CFAP299: variants seen among roughly 807,000 people sequenced by gnomAD.
CFAP299 encodes cilia- and flagella-associated protein 299.
A neutral mutation model predicts 27.0 loss-of-function variants in CFAP299; 21 were observed. That is an observed-to-expected ratio of 0.78 (90% confidence interval 0.55 to 1.12). The LOEUF is 1.12. CFAP299 is among the 50% of genes most tolerant of loss of function. The pLI is 0.00. For missense variants in CFAP299, 310 were observed against 276.6 expected, an observed-to-expected ratio of 1.12 and a Z score of -0.86; for synonymous variants, 104 against 98.1, an observed-to-expected ratio of 1.06 and a Z score of -0.36.
intron 3 of CFAP299, among the ~76,000 whole-genome samples, chr4:80,861,474 G>A (rs1008693381): frequency 6.6e-6 from 1 of 152,282 alleles, no homozygotes; most frequent in South Asian, 2.1e-4. Flanking sequence ...ACCTCAGATG[G>A]AAATGCAGAA....
chr4:80,413,750 C>CTTTTTTTTTTTTT (rs66780627), intron 2 of CFAP299, among the ~76,000 whole-genome samples: 7 of 108,318 alleles, frequency 6.5e-5, no homozygotes, highest in Non-Finnish European at 8.9e-5. Context: ...TTGTGTCATT[C>CTTTTTTTTTTTTT]TTTTTTTTTT....
intron 5 of CFAP299, among the ~76,000 whole-genome samples, chr4:80,960,081 G>A (rs1388080350): frequency 6.7e-6 from 1 of 150,214 alleles, no homozygotes; most frequent in Non-Finnish European, 1.5e-5. Context: ...CAAAATTTTT[G>A]TTATCTATCT....
intron 3 of CFAP299, among the ~76,000 whole-genome samples, chr4:80,812,050 A>G (rs937329681): frequency 6.6e-6 from 1 of 152,130 alleles, no homozygotes; most frequent in African/African-American, 2.4e-5. Context: ...ACAGTGGGAA[A>G]TGAAGTGCAT....
chr4:80,902,584 T>TACACACACAC (rs1273685186), intron 4 of CFAP299, among the ~76,000 whole-genome samples: 69 of 47,164 alleles, frequency 1.5e-3, no homozygotes, highest in Admixed American at 3.7e-3. Flanking sequence ...ATATGTAATA[T>TACACACACAC]ATACACACAC....
chr4:80,714,347 G>T (rs1403531095), intron 3 of CFAP299, among the ~76,000 whole-genome samples: 1 of 152,116 alleles, frequency 6.6e-6, no homozygotes, highest in Non-Finnish European at 1.5e-5. Flanking sequence ...AAATCATACA[G>T]TAAATAGTCC....
chr4:80,746,452 A>G (rs1375225825), intron 3 of CFAP299, among the ~76,000 whole-genome samples: 1 of 152,086 alleles, frequency 6.6e-6, no homozygotes. Context: ...TGGAATATGT[A>G]TTATCCTAAG....
chr4:80,864,258 T>G (rs560239758), intron 3 of CFAP299, among the ~76,000 whole-genome samples: 27 of 151,636 alleles, frequency 1.8e-4, no homozygotes, highest in African/African-American at 5.8e-4. Flanking sequence ...TCTATAGGGC[T>G]CTGAATAACA....
chr4:80,653,190 C>G (rs78567732), intron 3 of CFAP299, among the ~76,000 whole-genome samples: 1 of 152,172 alleles, frequency 6.6e-6, no homozygotes, highest in Admixed American at 6.6e-5. Flanking sequence ...TCATACTTAT[C>G]CAAAACCTCC....
intron 3 of CFAP299, among the ~76,000 whole-genome samples, chr4:80,866,433 G>T (rs778090151): frequency 3.9e-5 from 6 of 151,994 alleles, no homozygotes; most frequent in Non-Finnish European, 8.8e-5. Flanking sequence ...AGTCTCTGTT[G>T]CTCTACATAC....
Position 80,433,367 on chromosome 4 carries a change from T to G in CFAP299, c.242+70483T>G, listed in dbSNP as rs116747748. ...GTGTATTCCTGAACATGATCTGTGG[T>G]GATAGCTTAATTCTGCTCCTAAGAA... On this transcript the variant is annotated intron_variant, in intron 2 of 5. Coordinates refer to ENST00000358105, the MANE Select transcript of CFAP299 (RefSeq NM_152770.3). Among the ~76,000 whole-genome samples, 1,365 of 152,282 alleles carry G rather than the reference T, an allele frequency of 9.0e-3. 23 individuals are homozygous for G. Among genetic ancestry groups the G allele is most frequent in the African/African-American group, 0.03 (1,258 of 41,552 alleles).
At chr4:80,746,755 C>T (rs184105400) in intron 3 of CFAP299, among the ~76,000 whole-genome samples, 1 of 152,062 alleles carries the variant, frequency 6.6e-6, no homozygotes, top group Admixed American at 6.6e-5. Context: ...CCATATATTT[C>T]TATTTAAAAG....
At chr4:80,776,588 G>A (rs780025329) in intron 3 of CFAP299, among the ~76,000 whole-genome samples, 39 of 151,904 alleles carry the variant, frequency 2.6e-4, no homozygotes, top group Non-Finnish European at 5.1e-4. Flanking sequence ...GCCTGTCGGG[G>A]GATGAGGGCA....
intron 3 of CFAP299, among the ~76,000 whole-genome samples, chr4:80,842,877 C>T (rs1224870280): frequency 6.6e-6 from 1 of 152,068 alleles, no homozygotes; most frequent in East Asian, 1.9e-4. Context: ...TTCTTGCTAA[C>T]TCCAATCTTA....
intron 2 of CFAP299, among the ~76,000 whole-genome samples, chr4:80,408,309 A>G (rs1578410871): frequency 6.6e-6 from 1 of 152,160 alleles, no homozygotes; most frequent in Non-Finnish European, 1.5e-5. Flanking sequence ...TTGCCATTCA[A>G]CTATTTTAAA....
At chr4:80,654,631 G>A (rs887938096) in intron 3 of CFAP299, among the ~76,000 whole-genome samples, 2 of 151,938 alleles carry the variant, frequency 1.3e-5, no homozygotes, top group African/African-American at 4.8e-5. Flanking sequence ...TGAGGGAATG[G>A]GTCTGACTCA....
rs141261468 is a variant in CFAP299, at chr4:80,367,340, T to A, written c.242+4456T>A. Among the ~76,000 whole-genome samples, 1,167 of 152,324 alleles carry A rather than the reference T, an allele frequency of 7.7e-3. 8 individuals carry two copies. Among genetic ancestry groups the A allele is most frequent in the Admixed American group, 0.014 (215 of 15,300 alleles). On this transcript the variant is annotated intron_variant, in intron 2 of 5. Transcript: ENST00000358105. ...AGAATAAGAAAAGTTCTTCTTAATG[T>A]TTGACCACTAAATTGATTCTTAAAG...
At chr4:80,522,763 C>A (rs1732986345) in intron 2 of CFAP299, among the ~76,000 whole-genome samples, 1 of 152,066 alleles carries the variant, frequency 6.6e-6, no homozygotes, top group African/African-American at 2.4e-5. Context: ...TATTCTTTCC[C>A]AGTTGTGTAG....
chr4:80,331,242 C>T (rs140822320), upstream of CFAP299, among the ~76,000 whole-genome samples: 133 of 152,234 alleles, frequency 8.7e-4, no homozygotes, highest in African/African-American at 3.1e-3. Flanking sequence ...GAACATGTAA[C>T]GTGTGCAGTA....
In CFAP299 at chr4:80,335,736, G is replaced by C. The variant is rs757207418; in HGVS notation, c.-33G>C. On this transcript the variant is annotated 5_prime_UTR_variant, in exon 1 of 6. Coordinates refer to ENST00000358105, the MANE Select transcript of CFAP299 (RefSeq NM_152770.3). ...CTCCTGACCCTGCCCTCCTGCTTCCGTTGCTAGGGACGCTTCGGCCGAGGA... is the reference window on the plus strand; with the variant it reads ...CTCCTGACCCTGCCCTCCTGCTTCCCTTGCTAGGGACGCTTCGGCCGAGGA... 2 of 1,363,702 alleles carry C rather than the reference G, an allele frequency of 1.5e-6. No homozygotes were observed. The highest frequency in any genetic ancestry group is 2.3e-5 in the South Asian group (2 of 86,052). The allele number at this position is 1,363,702 out of a possible 1,614,324, so 84.5% of individuals were successfully genotyped here.
Sources: gnomAD v4.1 joint callset for allele counts (sites outside exome capture counted in the v4.1 genomes callset) on GRCh38, gnomAD v4.1.1 for gene constraint, MANE v1.5 for transcripts, NCBI Gene and HGNC (gene_info 2026-07-23, HGNC 2026-07-21) for gene names.